CNTN4: variants seen among roughly 807,000 people sequenced by gnomAD.
CNTN4 encodes contactin-4.
Under a neutral mutation model 122.5 loss-of-function variants are expected in CNTN4, and 77 were observed. The observed-to-expected ratio is 0.63, with a 90% CI of 0.52 to 0.76. The LOEUF is 0.76. CNTN4 is among the 30% of genes least tolerant of loss of function. The probability of loss-of-function intolerance (pLI) is 0.00; values close to 1 mark genes in which losing one functional copy is unlikely to be tolerated. For synonymous variants in CNTN4, 512 were observed against 447.0 expected (o/e 1.15, Z -1.83); for missense variants, 1,256 against 1,259.1 (o/e 1.00, Z 0.04).
intron 13 of CNTN4, among the ~76,000 whole-genome samples, chr3:2,932,785 G>T (rs921149578): frequency 6.6e-6 from 1 of 150,472 alleles, no homozygotes; most frequent in African/African-American, 2.4e-5. Flanking sequence ...GGACAAAGAT[G>T]CAGATGCTTA....
chr3:2,099,156 C>T (rs937775044), intron 1 of CNTN4, 178 bp downstream of exon 1: 45 of 152,288 alleles, frequency 3.0e-4, no homozygotes, highest in African/African-American at 1.1e-3. Flanking sequence ...GGCCGTCCAG[C>T]TCAGAGCCCG....
At chr3:2,298,096 G>T (rs1019152695) in intron 2 of CNTN4, among the ~76,000 whole-genome samples, 2 of 152,134 alleles carry the variant, frequency 1.3e-5, no homozygotes, top group African/African-American at 4.8e-5. Context: ...GTGAACACTA[G>T]GTAGATGTTG....
At chr3:2,959,099 C>A (rs369357320) in intron 13 of CNTN4, among the ~76,000 whole-genome samples, 1 of 152,116 alleles carries the variant, frequency 6.6e-6, no homozygotes, top group African/African-American at 2.4e-5. Flanking sequence ...TTTCCCCAGA[C>A]GGTGCTAAGT....
intron 7 of CNTN4, among the ~76,000 whole-genome samples, chr3:2,860,476 C>T (rs1343600186): frequency 6.6e-6 from 1 of 152,166 alleles, no homozygotes. Flanking sequence ...TTCTCTGGAC[C>T]ACAGAATATT....
chr3:3,007,040 C>T (rs1291576912), intron 14 of CNTN4, among the ~76,000 whole-genome samples: 2 of 152,060 alleles, frequency 1.3e-5, no homozygotes, highest in Admixed American at 6.5e-5. Context: ...TACCAAATCC[C>T]AGCAGTGTTT....
chr3:2,841,488 A>T lies in CNTN4; in HGVS notation c.454+21907A>T, dbSNP rs2093361117. Among the ~76,000 whole-genome samples, 1 of 152,232 alleles carries T rather than the reference A, an allele frequency of 6.6e-6. No individual in the cohort carries two copies. Among genetic ancestry groups the T allele is most frequent in the Non-Finnish European group, 1.5e-5 (1 of 68,040 alleles). On this transcript the variant is annotated intron_variant, in intron 7 of 24. Transcript: ENST00000418658. The surrounding 1 kb of genome is among the most constrained non-coding windows in gnomAD (Gnocchi z 4.8). The stretch of plus-strand genomic sequence containing the variant: ...CACTATAATTATCTACAGATTTATG[A>T]AGACCGAGTCAAGGGTTCCATTTGT...
intron 3 of CNTN4, among the ~76,000 whole-genome samples, chr3:2,354,962 C>G (rs991078660): frequency 1.3e-5 from 2 of 152,206 alleles, no homozygotes; most frequent in African/African-American, 4.8e-5. Context: ...TGTCAGATTA[C>G]ATCCAGGAGT....
intron 13 of CNTN4, among the ~76,000 whole-genome samples, chr3:2,926,844 T>C (rs1433585255): frequency 6.6e-6 from 1 of 152,228 alleles, no homozygotes; most frequent in East Asian, 1.9e-4. Context: ...TATACATCCC[T>C]TTCTGATTTC....
intron 3 of CNTN4, among the ~76,000 whole-genome samples, chr3:2,530,007 G>A (rs1413076304): frequency 6.6e-6 from 1 of 152,048 alleles, no homozygotes; most frequent in Non-Finnish European, 1.5e-5. Context: ...GTGCTTTTTA[G>A]ATTTCCCTCA....
At chr3:2,162,513 G>A (rs929475720) in intron 2 of CNTN4, among the ~76,000 whole-genome samples, 1 of 152,064 alleles carries the variant, frequency 6.6e-6, no homozygotes, top group African/African-American at 2.4e-5. Flanking sequence ...AAACCCATAA[G>A]GCTCCCCAGT....
At chr3:2,886,266 G>A (rs906948957) in intron 9 of CNTN4, among the ~76,000 whole-genome samples, 7 of 151,408 alleles carry the variant, frequency 4.6e-5, no homozygotes, top group African/African-American at 1.5e-4. Flanking sequence ...GCATGGTGGC[G>A]GGCGCCTGTA....
At chr3:3,030,757 G>A in intron 15 of CNTN4, 98 bp from the exon 16 acceptor site, 1 of 1,378,398 alleles carries the variant, frequency 7.3e-7, no homozygotes, top group South Asian at 1.2e-5. Context: ...TCATCAGCCA[G>A]TGTAAAATAA....
intron 10 of CNTN4, among the ~76,000 whole-genome samples, chr3:2,894,177 G>A (rs1161244752): frequency 1.3e-5 from 2 of 152,110 alleles, no homozygotes; most frequent in East Asian, 3.9e-4. Context: ...ATATACTTCT[G>A]TATTCAGTCT....
chr3:2,302,012 G>A (rs1215493222), intron 2 of CNTN4, among the ~76,000 whole-genome samples: 2 of 152,236 alleles, frequency 1.3e-5, no homozygotes, highest in Admixed American at 1.3e-4. Flanking sequence ...GTGCACGTGT[G>A]TGTGTGTTTG....
rs529746340 is a variant in CNTN4, at chr3:2,274,314, C to T, written c.-144-64864C>T. On this transcript the variant is annotated intron_variant, in intron 2 of 24. Coordinates refer to ENST00000418658, the MANE Select transcript of CNTN4 (RefSeq NM_175607.3). ...AGGAGAATCACTTGAACCCAGGAGG[C>T]GGAGGTTGCAGGGAGCCAAGATTGC... Among the ~76,000 whole-genome samples the T allele has an allele frequency of 7.2e-5, 11 of 152,166 alleles. No homozygotes were observed. The South Asian group carries it at 2.1e-3, about 29-fold the overall frequency.
intron 3 of CNTN4, among the ~76,000 whole-genome samples, chr3:2,377,093 T>G (rs1445869645): frequency 6.6e-6 from 1 of 150,542 alleles, no homozygotes; most frequent in Non-Finnish European, 1.5e-5. Context: ...GAGGCAGAGG[T>G]TGCAGTGAGC....
intron 13 of CNTN4, among the ~76,000 whole-genome samples, chr3:2,970,818 C>T (rs527920795): frequency 6.6e-6 from 1 of 151,692 alleles, no homozygotes; most frequent in South Asian, 2.1e-4. Flanking sequence ...GACCGATTCT[C>T]ACTCTGTTGC....
At chr3:2,222,120 T>A (rs945849890) in intron 2 of CNTN4, among the ~76,000 whole-genome samples, 3 of 152,166 alleles carry the variant, frequency 2.0e-5, no homozygotes, top group Non-Finnish European at 4.4e-5. Flanking sequence ...ACAGCATGAT[T>A]CATAGTTGCC....
chr3:2,145,812 A>G (rs977989486), intron 2 of CNTN4, among the ~76,000 whole-genome samples: 1 of 50,248 alleles, frequency 2.0e-5, no homozygotes, highest in Non-Finnish European at 4.5e-5. Context: ...ATATGTTATT[A>G]TTATTCCCAC....
Sources: allele counts gnomAD v4.1 joint callset (sites outside exome capture counted in the v4.1 genomes callset), GRCh38; gene constraint gnomAD v4.1.1; non-coding constraint Gnocchi (gnomAD v3.1); transcripts MANE v1.5; gene names NCBI Gene and HGNC (gene_info 2026-07-23, HGNC 2026-07-21).